Variants in THSD7A observed in about 807,000 individuals in gnomAD.
THSD7A encodes thrombospondin type-1 domain-containing protein 7A.
Under a neutral mutation model 231.3 loss-of-function variants are expected in THSD7A, and 96 were observed. That is an observed-to-expected ratio of 0.41 (90% CI 0.35 to 0.49). The LOEUF (loss-of-function observed/expected upper bound fraction) is 0.49, where lower values mean the gene tolerates loss of function less well. Ranked by LOEUF, THSD7A falls within the 20% of genes least tolerant of loss-of-function variation. The probability of loss-of-function intolerance (pLI) is 0.05; values close to 1 mark genes in which losing one functional copy is unlikely to be tolerated. For synonymous variants in THSD7A, 940 were observed against 743.3 expected, an observed-to-expected ratio of 1.26 and a Z score of -4.30; for missense variants, 2,290 against 2,070.2, an observed-to-expected ratio of 1.11 and a Z score of -2.06.
intron 1 of THSD7A, among the ~76,000 whole-genome samples, chr7:11,676,099 T>C (rs1022214646): frequency 1.3e-5 from 2 of 152,176 alleles, no homozygotes; most frequent in Non-Finnish European, 2.9e-5. Flanking sequence ...TTCTGTAGCC[T>C]CTGCTGGTGA....
Position 11,424,786 on chromosome 7 carries a change from A to G in THSD7A, c.3293T>C (p.Leu1098Pro). ...VPCHSDCNQY[L>P]WVTEPWSICK... ...GATGCTCCAGGGCTCTGTGACCCAT[A>G]GGTACTGGTTGCAGTCACTGTGGCA... The change falls in exon 16 of 28, where the codon CTA becomes CCA. Residue 1098 changes from leucine (L) to proline (P), a missense_variant. Leu to Pro is a moderately conservative substitution (Grantham distance 98). Coordinates refer to ENST00000423059, the MANE Select transcript of THSD7A (RefSeq NM_015204.3). 2 of 1,613,988 alleles carry G rather than the reference A, an allele frequency of 1.2e-6. No homozygotes were observed. The highest frequency in any genetic ancestry group is 1.7e-6 in the Non-Finnish European group (2 of 1,179,878).
chr7:11,467,765 T>G (rs965398637), intron 9 of THSD7A, among the ~76,000 whole-genome samples: 1 of 152,012 alleles, frequency 6.6e-6, no homozygotes, highest in Non-Finnish European at 1.5e-5. Flanking sequence ...ATTTTTTCTT[T>G]CCTTTCCAGA....
chr7:11,711,575 T>C (rs1247079588), intron 1 of THSD7A, among the ~76,000 whole-genome samples: 6 of 151,232 alleles, frequency 4.0e-5, no homozygotes, highest in African/African-American at 1.4e-4. Context: ...CAGATAAAAT[T>C]GTTATAGGGA....
chr7:11,511,312 T>C (rs761640610), intron 6 of THSD7A, among the ~76,000 whole-genome samples: 1 of 152,206 alleles, frequency 6.6e-6, no homozygotes, highest in Non-Finnish European at 1.5e-5. Context: ...GAACATTCCA[T>C]GCTCATGGAT....
At chr7:11,507,354 A>G (rs1787588527) in intron 6 of THSD7A, among the ~76,000 whole-genome samples, 1 of 152,308 alleles carries the variant, frequency 6.6e-6, no homozygotes, top group African/African-American at 2.4e-5. Context: ...AAGATAACTC[A>G]AAAGAAAGTG....
intron 1 of THSD7A, among the ~76,000 whole-genome samples, chr7:11,803,858 A>C (rs1203000388): frequency 6.6e-6 from 1 of 152,130 alleles, no homozygotes; most frequent in African/African-American, 2.4e-5. Context: ...TCCTCAGTAA[A>C]TCTAATGCGT....
chr7:11,579,237 T>C (rs1390664805), intron 4 of THSD7A, among the ~76,000 whole-genome samples: 2 of 152,252 alleles, frequency 1.3e-5, no homozygotes, highest in African/African-American at 4.8e-5. Context: ...AGTTCTACAA[T>C]GTAGTTTGCA....
intron 1 of THSD7A, among the ~76,000 whole-genome samples, chr7:11,723,940 T>C (rs770935638): frequency 1.3e-5 from 2 of 151,880 alleles, no homozygotes; most frequent in African/African-American, 4.8e-5. Flanking sequence ...GATGGTTTCA[T>C]GCACTCTAGA....
At chr7:11,810,332 A>G (rs1784498732) in intron 1 of THSD7A, among the ~76,000 whole-genome samples, 1 of 152,132 alleles carries the variant, frequency 6.6e-6, no homozygotes, top group Non-Finnish European at 1.5e-5. Context: ...GGAGGCCAGT[A>G]CAAATGTAAA....
At chr7:11,675,487 T>C (rs1218245898) in intron 1 of THSD7A, among the ~76,000 whole-genome samples, 6 of 152,274 alleles carry the variant, frequency 3.9e-5, no homozygotes, top group African/African-American at 9.6e-5. Flanking sequence ...CCCACCGCCA[T>C]GGAGCCCAGC....
chr7:11,466,654 G>A (rs1785717884), intron 9 of THSD7A, among the ~76,000 whole-genome samples: 1 of 152,058 alleles, frequency 6.6e-6, no homozygotes, highest in South Asian at 2.1e-4. Flanking sequence ...AACAACATGA[G>A]CTGCCAAATA....
rs536190530 is a variant in THSD7A, at chr7:11,372,930, C to T, written c.*2864G>A. The T allele has an allele frequency of 2.0e-5, 3 of 151,982 alleles. No individual in the cohort carries two copies. The highest frequency in any genetic ancestry group is 2.1e-4 in the South Asian group (1 of 4,816). The allele number at this position is 151,982 out of a possible 1,614,324, so 9.4% of individuals were successfully genotyped here. On this transcript the variant is annotated 3_prime_UTR_variant, in exon 28 of 28. Transcript: ENST00000423059. ...TTTGTCCAAAATAGCCAGATTGCTACGTTCTCCTCTTTCCACCTTTCTAAC... is the reference window on the plus strand; with the variant it reads ...TTTGTCCAAAATAGCCAGATTGCTATGTTCTCCTCTTTCCACCTTTCTAAC...
chr7:11,777,825 G>A (rs1783466861), intron 1 of THSD7A, among the ~76,000 whole-genome samples: 1 of 152,030 alleles, frequency 6.6e-6, no homozygotes, highest in East Asian at 1.9e-4. Flanking sequence ...TCACACCATG[G>A]AGGCAGGCAA....
chr7:11,513,133 T>C lies in THSD7A; in HGVS notation c.1822+28286A>G, dbSNP rs144437210. On this transcript the variant is annotated intron_variant, in intron 6 of 27. Coordinates refer to ENST00000423059, the MANE Select transcript of THSD7A (RefSeq NM_015204.3). ...TGAGGATGCAAAGCCATAAGAATGA[T>C]ACAATGGACTTTGGGGACTTGGGGG... Among the ~76,000 whole-genome samples the C allele has an allele frequency of 3.1e-3, 463 of 151,302 alleles. 1 individual carries two copies. The highest frequency in any genetic ancestry group is 0.011 in the African/African-American group (442 of 41,106).
At chr7:11,508,132 T>C (rs1028861768) in intron 6 of THSD7A, among the ~76,000 whole-genome samples, 1 of 152,182 alleles carries the variant, frequency 6.6e-6, no homozygotes, top group Non-Finnish European at 1.5e-5. Context: ...ACCACCCTCA[T>C]GATCCAATCA....
At chr7:11,388,174 G>T (rs756709782) in intron 23 of THSD7A, among the ~76,000 whole-genome samples, 80 of 147,826 alleles carry the variant, frequency 5.4e-4, no homozygotes, top group South Asian at 2.3e-3. Context: ...TTTTTTTTTT[G>T]TTGTGTCTTG....
At chr7:11,536,142 A>G (rs1409542437) in intron 6 of THSD7A, among the ~76,000 whole-genome samples, 5 of 152,200 alleles carry the variant, frequency 3.3e-5, no homozygotes, top group Non-Finnish European at 5.9e-5. Context: ...TCTGCATTAA[A>G]ATTCAAATAG....
chr7:11,735,064 C>T (rs957941649), intron 1 of THSD7A, among the ~76,000 whole-genome samples: 2 of 151,894 alleles, frequency 1.3e-5, no homozygotes, highest in Non-Finnish European at 2.9e-5. Context: ...AATTCCGTTT[C>T]TGAAATGCCT....
intron 1 of THSD7A, among the ~76,000 whole-genome samples, chr7:11,788,187 A>G (rs1358210838): frequency 1.3e-5 from 2 of 152,092 alleles, no homozygotes; most frequent in African/African-American, 2.4e-5. Flanking sequence ...TGTCATTAAT[A>G]TCTCTTGCCT....
Sources: allele counts gnomAD v4.1 joint callset (sites outside exome capture counted in the v4.1 genomes callset), GRCh38; gene constraint gnomAD v4.1.1; transcripts MANE v1.5; gene names NCBI Gene and HGNC (gene_info 2026-07-23, HGNC 2026-07-21).